The following PFKP variants were observed in gnomAD, a reference collection of about 807,000 sequenced individuals.
The protein encoded by PFKP is phosphofructokinase, platelet.
PFKP carries 101 observed loss-of-function variants against 94.3 expected under a neutral mutation model. The observed-to-expected ratio is 1.07, with a 90% CI of 0.91 to 1.26. PFKP has a LOEUF of 1.26. Among genes scored for constraint, PFKP ranks in the 50% most tolerant of loss-of-function variants. The pLI, the probability that PFKP is intolerant of heterozygous loss-of-function variation, is 0.00. For missense variants in PFKP, 1,145 were observed against 1,103.3 expected (o/e 1.04, Z -0.53); for synonymous variants, 573 against 432.6 (o/e 1.32, Z -4.03).
intron 11 of PFKP, 72 bp downstream of exon 11, chr10:3,112,358 C>CT (rs1836330958): frequency 8.9e-7 from 1 of 1,126,814 alleles, no homozygotes; most frequent in Non-Finnish European, 1.4e-6. Flanking sequence ...TGCAAACGTG[C>CT]TTAGGGGTTG....
intron 2 of PFKP, among the ~76,000 whole-genome samples, chr10:3,086,767 T>C (rs1833638862): frequency 6.6e-6 from 1 of 152,120 alleles, no homozygotes; most frequent in African/African-American, 2.4e-5. Context: ...CTTTAATCTC[T>C]CTTGATGTAA....
chr10:3,072,092 G>A (rs949573993), intron 1 of PFKP, among the ~76,000 whole-genome samples: 1 of 152,330 alleles, frequency 6.6e-6, no homozygotes, highest in East Asian at 1.9e-4. Flanking sequence ...CCTCCTGCCT[G>A]GAATCTCCAC....
At position 3,133,608 on chromosome 10, in the gene PFKP, T is replaced by G. The variant is rs574537547; in HGVS notation, c.2022+294T>G. On this transcript the variant is annotated intron_variant, in intron 19 of 21. Coordinates refer to ENST00000381125, the MANE Select transcript of PFKP (RefSeq NM_002627.5). Reference sequence around the variant, plus strand: ...ACCACACCCAGCTAATTTTTGTATTTTTAGTAGAGATGGGGTTTCACCACG... The same window carrying G: ...ACCACACCCAGCTAATTTTTGTATTGTTAGTAGAGATGGGGTTTCACCACG... 2.8e-4 allele frequency among the ~76,000 whole-genome samples: 43 copies of G among 152,252 alleles called. No individual in the cohort carries two copies. In the South Asian group the frequency reaches 8.3e-3, roughly 29 times the overall value.
intron 16 of PFKP, chr10:3,129,516 G>T (rs990564486): frequency 8.3e-6 from 3 of 361,898 alleles, no homozygotes; most frequent in Non-Finnish European, 1.4e-5. Flanking sequence ...GGCTTGTGGG[G>T]TCGTCTTTTC....
At chr10:3,088,211 G>A (rs1249311862) in intron 2 of PFKP, among the ~76,000 whole-genome samples, 3 of 134,564 alleles carry the variant, frequency 2.2e-5, no homozygotes, top group Non-Finnish European at 4.5e-5. Flanking sequence ...TGTTCTCATT[G>A]TTCAATTCCC....
intron 16 of PFKP, among the ~76,000 whole-genome samples, chr10:3,124,577 G>A (rs1180288230): frequency 4.6e-5 from 7 of 152,158 alleles, no homozygotes; most frequent in African/African-American, 7.2e-5. Context: ...GTGGCCCACC[G>A]GTAATCCAGC....
chr10:3,102,129 T>C (rs1375789670), intron 4 of PFKP, among the ~76,000 whole-genome samples: 13 of 148,458 alleles, frequency 8.8e-5, no homozygotes, highest in African/African-American at 2.9e-4. Context: ...CGGGCGCCTG[T>C]AGTCCCAGCT....
At chr10:3,126,035 C>T (rs1837911152) in intron 16 of PFKP, among the ~76,000 whole-genome samples, 1 of 152,214 alleles carries the variant, frequency 6.6e-6, no homozygotes, top group Non-Finnish European at 1.5e-5. Flanking sequence ...GGACAGCAGC[C>T]ACTGGCCTTT....
At position 3,130,133 on chromosome 10, in the gene PFKP, C is replaced by T. The variant is rs1838411256; in HGVS notation, c.1848+150C>T. ...GCCACGCTTGATACACTTCGCATCG[C>T]CCAGGTGCCCCTACTGCGTGTCAGG... is the stretch of plus-strand genomic sequence containing the variant. On this transcript the variant is annotated intron_variant, in intron 17 of 21. Coordinates refer to ENST00000381125, the MANE Select transcript of PFKP (RefSeq NM_002627.5). The T allele has an allele frequency of 7.3e-6, 5 of 683,532 alleles. 1 individual carries two copies. Among genetic ancestry groups the T allele is most frequent in the Non-Finnish European group, 9.3e-6 (4 of 427,824 alleles). The allele number at this position is 683,532 out of a possible 1,614,324, so 42.3% of individuals were successfully genotyped here. A position where few individuals can be genotyped will look rare whatever the true frequency, so the allele number is the denominator to read the frequency against.
intron 2 of PFKP, among the ~76,000 whole-genome samples, chr10:3,094,626 A>G (rs1194205228): frequency 1.3e-5 from 2 of 152,162 alleles, no homozygotes; most frequent in South Asian, 2.1e-4. Context: ...TTTCCTAGAG[A>G]CAGGATAAAG....
chr10:3,072,024 T>C (rs1235822982), intron 1 of PFKP, among the ~76,000 whole-genome samples: 1 of 152,204 alleles, frequency 6.6e-6, no homozygotes, highest in Non-Finnish European at 1.5e-5. Context: ...CACTGGTGTC[T>C]TTCCCGCGCC....
chr10:3,136,397 C>T (rs1386838594), intron 21 of PFKP, 53 bp from the exon 22 acceptor site: 1 of 1,591,080 alleles, frequency 6.3e-7, no homozygotes, highest in Admixed American at 1.7e-5. Context: ...CAGGCGGAGG[C>T]ATCTCCCGCC....
At chr10:3,120,426 C>T (rs1056458173) in intron 16 of PFKP, among the ~76,000 whole-genome samples, 1 of 151,588 alleles carries the variant, frequency 6.6e-6, no homozygotes, top group African/African-American at 2.4e-5. Context: ...TTTGAGCCTC[C>T]AATACCCATT....
intron 8 of PFKP, chr10:3,107,847 T>G: frequency 7.8e-7 from 1 of 1,277,914 alleles, no homozygotes; most frequent in Admixed American, 2.4e-5. Flanking sequence ...AGTGCCTGCC[T>G]GTCTGGAGAG....
chr10:3,106,013 C>T (rs1042250213), intron 7 of PFKP, among the ~76,000 whole-genome samples: 5 of 152,224 alleles, frequency 3.3e-5, no homozygotes, highest in Admixed American at 2.0e-4. Context: ...CTTTCGGGTG[C>T]AGCTGCAGCT....
At chr10:3,086,123 C>A (rs1460915258) in intron 2 of PFKP, among the ~76,000 whole-genome samples, 2 of 152,032 alleles carry the variant, frequency 1.3e-5, no homozygotes, top group Non-Finnish European at 2.9e-5. Context: ...GGAGGTTTTT[C>A]TGTTATAATT....
chr10:3,131,456 ATTTTTTGC>A (rs1428141066), intron 17 of PFKP, among the ~76,000 whole-genome samples: 1 of 152,092 alleles, frequency 6.6e-6, no homozygotes, highest in Non-Finnish European at 1.5e-5. Context: ...ACAGATTTTT[ATTTTTTGC>A]TTTAATTTTT....
chr10:3,091,622 G>A (rs78350712), intron 2 of PFKP, among the ~76,000 whole-genome samples: 31,662 of 151,736 alleles, frequency 0.21, 3,982 homozygotes, highest in African/African-American at 0.37. Flanking sequence ...AAAGACCAGC[G>A]CGGCCAACAT....
Position 3,136,799 on chromosome 10 carries a change from C to G in PFKP, c.*220C>G, listed in dbSNP as rs915744073. The G allele has an allele frequency of 2.3e-5, 10 of 433,830 alleles. No homozygotes were observed. Among genetic ancestry groups the G allele is most frequent in the Admixed American group, 1.1e-4 (3 of 27,276 alleles). 26.9% of individuals were successfully genotyped at this position (433,830 alleles called of 1,614,324 possible). ...ATTAATTAAACATTTGCCTATGACTCCAACAGTCCTCTGTTTTAGTTTTTT... is the reference window on the plus strand; with the variant it reads ...ATTAATTAAACATTTGCCTATGACTGCAACAGTCCTCTGTTTTAGTTTTTT... On this transcript the variant is annotated 3_prime_UTR_variant, in exon 22 of 22. Coordinates refer to ENST00000381125, the MANE Select transcript of PFKP (RefSeq NM_002627.5).
Sources: allele counts gnomAD v4.1 joint callset (sites outside exome capture counted in the v4.1 genomes callset), GRCh38; gene constraint gnomAD v4.1.1; transcripts MANE v1.5; gene names NCBI Gene and HGNC (gene_info 2026-07-23, HGNC 2026-07-21).